The following AMD1 variants were observed in gnomAD, a reference collection of about 807,000 sequenced individuals.
The protein encoded by AMD1 is adenosylmethionine decarboxylase 1, also known as S-adenosylmethionine decarboxylase proenzyme.
AMD1 carries 11 observed loss-of-function variants against 40.2 expected under a neutral mutation model. The ratio of observed to expected loss-of-function variants is 0.27; its 90% confidence interval spans 0.17 to 0.45. AMD1 has a LOEUF of 0.45. Ranked by LOEUF, AMD1 falls within the 20% of genes least tolerant of loss-of-function variation. The probability of loss-of-function intolerance (pLI) is 1.00; values close to 1 mark genes in which losing one functional copy is unlikely to be tolerated. For missense variants in AMD1, 257 were observed against 410.2 expected, an observed-to-expected ratio of 0.63 and a Z score of 3.23; for synonymous variants, 121 against 130.8, an observed-to-expected ratio of 0.93 and a Z score of 0.51.
the AMD1 span, among the ~76,000 whole-genome samples, chr6:110,842,023 G>A: frequency 4.9e-3 from 749 of 152,090 alleles, 16 homozygotes; most frequent in East Asian, 0.047. Flanking sequence ...GGCTGGTCTC[G>A]AAATTCTAAC....
the AMD1 span, among the ~76,000 whole-genome samples, chr6:110,835,114 G>C: frequency 6.6e-6 from 1 of 150,562 alleles, no homozygotes; most frequent in African/African-American, 2.4e-5. Flanking sequence ...TGCCTCCTGG[G>C]TTCACACCAT....
rs1418556855 is a variant in AMD1, at chr6:110,892,141, G to A, written c.428-20G>A. ...TAAATGGATGTGTTATATTTATTTT[G>A]CGTTCTCTTCCCTCAACAGATGGAG... On this transcript the variant is annotated intron_variant, in intron 4 of 8. Coordinates refer to ENST00000368885, the MANE Select transcript of AMD1 (RefSeq NM_001634.6). The A allele has an allele frequency of 3.1e-6, 5 of 1,612,448 alleles. No individual in the cohort carries two copies. Among genetic ancestry groups the A allele is most frequent in the Non-Finnish European group, 4.2e-6 (5 of 1,179,630 alleles).
At chr6:110,837,745 A>AAT in the AMD1 span, among the ~76,000 whole-genome samples, 1,409 of 17,742 alleles carry the variant, frequency 0.079, 79 homozygotes, top group African/African-American at 0.089. Context: ...AAAAAAAAAA[A>AAT]ATATATATAT....
intron 1 of AMD1, among the ~76,000 whole-genome samples, chr6:110,882,574 A>G (rs926719417): frequency 6.6e-6 from 1 of 152,172 alleles, no homozygotes; most frequent in Non-Finnish European, 1.5e-5. Context: ...ATGTACATGT[A>G]TAGCATTGTA....
the AMD1 span, among the ~76,000 whole-genome samples, chr6:110,854,790 A>G: frequency 6.6e-6 from 1 of 152,118 alleles, no homozygotes; most frequent in African/African-American, 2.4e-5. Flanking sequence ...AAATTCGTTA[A>G]TTGAGTTTAT....
At position 110,895,675 on chromosome 6, in the gene AMD1, G is replaced by A. The variant is rs1158658912; in HGVS notation, c.*2059G>A. On this transcript the variant is annotated 3_prime_UTR_variant, in exon 9 of 9. Transcript: ENST00000368885. ...AATGTATTTCTGTACCACAATTTAC[G>A]CTTCAATAAAAGTTTAATTGTCTAG... 2.6e-5 allele frequency: 4 copies of A among 152,560 alleles called. No individual in the cohort carries two copies. Among genetic ancestry groups the A allele is most frequent in the African/African-American group, 7.2e-5 (3 of 41,430 alleles). 9.5% of individuals were successfully genotyped at this position (152,560 alleles called of 1,614,324 possible).
upstream of AMD1, among the ~76,000 whole-genome samples, chr6:110,869,944 C>T (rs527298843): frequency 1.9e-4 from 29 of 151,728 alleles, no homozygotes; most frequent in African/African-American, 6.3e-4. Flanking sequence ...GATGGGGGGT[C>T]TCGCTATGTT....
the AMD1 span, among the ~76,000 whole-genome samples, chr6:110,862,063 C>T: frequency 1.3e-5 from 2 of 148,404 alleles, no homozygotes; most frequent in African/African-American, 2.5e-5. Flanking sequence ...TTTGTTACCC[C>T]GGCTGGAGTG....
the AMD1 span, among the ~76,000 whole-genome samples, chr6:110,864,838 G>T: frequency 6.6e-6 from 1 of 152,168 alleles, no homozygotes; most frequent in Non-Finnish European, 1.5e-5. Context: ...GCCAAAATGC[G>T]TTTATAAAAT....
chr6:110,859,388 C>T, the AMD1 span, among the ~76,000 whole-genome samples: 1 of 151,798 alleles, frequency 6.6e-6, no homozygotes, highest in Non-Finnish European at 1.5e-5. Flanking sequence ...GGTAAAGGTC[C>T]CTGCTGGCAC....
chr6:110,863,714 G>A, the AMD1 span: 1 of 208,280 alleles, frequency 4.8e-6, no homozygotes. Flanking sequence ...GAGAAGGTAG[G>A]GTGTGTAGGG....
the AMD1 span, among the ~76,000 whole-genome samples, chr6:110,817,545 G>A: frequency 1.7e-4 from 26 of 152,118 alleles, no homozygotes; most frequent in African/African-American, 5.6e-4. Context: ...GGAGGCAGAA[G>A]TTGCAGTGAG....
chr6:110,842,928 T>A, the AMD1 span, among the ~76,000 whole-genome samples: 1 of 151,524 alleles, frequency 6.6e-6, no homozygotes, highest in Non-Finnish European at 1.5e-5. Flanking sequence ...AGGTCAGGAG[T>A]TCGAGACCAG....
chr6:110,851,544 C>T, the AMD1 span, among the ~76,000 whole-genome samples: 1 of 152,092 alleles, frequency 6.6e-6, no homozygotes, highest in East Asian at 1.9e-4. Flanking sequence ...CCCACGGCAA[C>T]CTCCACCTCC....
At chr6:110,840,044 G>A in the AMD1 span, among the ~76,000 whole-genome samples, 1 of 125,580 alleles carries the variant, frequency 8.0e-6, no homozygotes, top group East Asian at 2.6e-4. Flanking sequence ...TTGAGATGGA[G>A]TTTCCCTCTT....
upstream of AMD1, among the ~76,000 whole-genome samples, chr6:110,873,308 G>C (rs747024763): frequency 6.6e-6 from 1 of 152,204 alleles, no homozygotes; most frequent in African/African-American, 2.4e-5. Flanking sequence ...AGGTTGCAGT[G>C]AGCCGAGATC....
rs879023762 is a variant in AMD1 at position 110,890,325 on chromosome 6, A to G, written c.396A>G (p.Glu132=). The G allele has an allele frequency of 6.3e-7, 1 of 1,599,822 alleles. No individual in the cohort carries two copies. Among genetic ancestry groups the G allele is most frequent in the Non-Finnish European group, 8.5e-7 (1 of 1,176,898 alleles). ...GGTACCCACACCGGAATTTCCAGGA[A>G]GAAATAGAGTTTCTTAATGCAATTT... ...HQGYPHRNFQ[E]EIEFLNAIFP... Residue 132 remains glutamate, a synonymous_variant, in exon 4 of 9, where the codon GAA becomes GAG. Transcript: ENST00000368885.
At chr6:110,822,586 A>G in the AMD1 span, among the ~76,000 whole-genome samples, 1 of 152,230 alleles carries the variant, frequency 6.6e-6, no homozygotes. Context: ...CAAAGCCAGG[A>G]AAGGACATTT....
At chr6:110,839,512 CT>C in the AMD1 span, among the ~76,000 whole-genome samples, 1 of 151,880 alleles carries the variant, frequency 6.6e-6, no homozygotes, top group African/African-American at 2.4e-5. Context: ...TCCCAGCTAC[CT>C]GGGAGGCCGA....
Sources: gnomAD v4.1 joint callset for allele counts (sites outside exome capture counted in the v4.1 genomes callset) on GRCh38, gnomAD v4.1.1 for gene constraint, MANE v1.5 for transcripts, NCBI Gene and HGNC (gene_info 2026-07-23, HGNC 2026-07-21) for gene names.